The following BICDL1 variants were observed in gnomAD, a reference collection of about 807,000 sequenced individuals.
The protein encoded by BICDL1 is BICD family like cargo adaptor 1.
Under a neutral mutation model 76.8 loss-of-function variants are expected in BICDL1, and 20 were observed. That is an observed-to-expected ratio of 0.26 (90% CI 0.18 to 0.38). BICDL1 has a LOEUF of 0.38. Ranked by LOEUF, BICDL1 falls within the 10% of genes least tolerant of loss-of-function variation. The probability of loss-of-function intolerance (pLI) is 1.00; values close to 1 mark genes in which losing one functional copy is unlikely to be tolerated. For missense variants in BICDL1, 700 were observed against 798.6 expected (o/e 0.88, Z 1.49); for synonymous variants, 383 against 337.1 (o/e 1.14, Z -1.49).
intron 1 of BICDL1, among the ~76,000 whole-genome samples, chr12:119,994,870 C>T (rs1000890114): frequency 3.3e-5 from 5 of 152,200 alleles, no homozygotes; most frequent in Non-Finnish European, 7.3e-5. Flanking sequence ...ACCCTGCACC[C>T]AGCTTCCTCT....
chr12:120,068,381 G>T (rs921770607), intron 4 of BICDL1, among the ~76,000 whole-genome samples: 1 of 152,234 alleles, frequency 6.6e-6, no homozygotes, highest in Non-Finnish European at 1.5e-5. Context: ...CCACAGATAG[G>T]AAGAGTAGGA....
intron 3 of BICDL1, among the ~76,000 whole-genome samples, chr12:120,062,119 C>T (rs1035644068): frequency 5.9e-5 from 9 of 152,172 alleles, no homozygotes; most frequent in African/African-American, 2.2e-4. Context: ...AAGGGCATCT[C>T]GCCTTTCTCT....
chr12:120,015,315 A>G (rs566897231), intron 2 of BICDL1, among the ~76,000 whole-genome samples: 1 of 152,326 alleles, frequency 6.6e-6, no homozygotes, highest in East Asian at 1.9e-4. Context: ...AACAAATAAG[A>G]AAGGGCATGG....
At chr12:119,994,894 T>A (rs544712185) in intron 1 of BICDL1, among the ~76,000 whole-genome samples, 1 of 152,222 alleles carries the variant, frequency 6.6e-6, no homozygotes, top group Non-Finnish European at 1.5e-5. Flanking sequence ...TAACATCTTA[T>A]AATAGTATGG....
Position 120,080,991 on chromosome 12 carries a change from C to G in BICDL1, c.1557C>G (p.Ile519Met), listed in dbSNP as rs748210058. 49 of 1,613,606 alleles carry G rather than the reference C, an allele frequency of 3.0e-5. No individual in the cohort carries two copies. The highest frequency in any genetic ancestry group is 3.8e-5 in the Non-Finnish European group (45 of 1,179,928). ...KEPKEQLQKA[I>M]RDRDEAIAKK... Reference sequence around the variant, plus strand: ...CAAAGGAGCAGCTTCAGAAGGCCATCAGGGACCGCGACGAGGCCATTGCAA... The same window carrying G: ...CAAAGGAGCAGCTTCAGAAGGCCATGAGGGACCGCGACGAGGCCATTGCAA... The change falls in exon 8 of 10, where the codon ATC (isoleucine) becomes ATG (methionine). Residue 519 changes from isoleucine (I) to methionine (M), a missense_variant. Ile to Met is a conservative substitution (Grantham distance 10). This residue lies in a region of BICDL1 where 455 missense variants were observed against 548.7 expected (regional missense o/e 0.83). Coordinates refer to ENST00000548673, the MANE Select transcript of BICDL1 (RefSeq NM_001367886.1).
At chr12:120,054,720 T>C (rs1183547819) in intron 2 of BICDL1, among the ~76,000 whole-genome samples, 1 of 151,612 alleles carries the variant, frequency 6.6e-6, no homozygotes. Context: ...CTACTAAAAA[T>C]GCAAAAAAAA....
chr12:120,042,799 C>T (rs1952669890), intron 2 of BICDL1, among the ~76,000 whole-genome samples: 1 of 141,806 alleles, frequency 7.1e-6, no homozygotes, highest in Admixed American at 7.0e-5. Flanking sequence ...AGCGAGACTC[C>T]CCCTCAAAAA....
Position 120,064,825 on chromosome 12 carries a change from G to C in BICDL1, c.855G>C (p.Glu285Asp). 1 of 1,613,656 alleles carries C rather than the reference G, an allele frequency of 6.2e-7. No individual in the cohort carries two copies. The highest frequency in any genetic ancestry group is 8.5e-7 in the Non-Finnish European group (1 of 1,179,754). ...ENDLLQGTVE[E>D]LQDRVLILER... ...ACCTGCTCCAAGGGACCGTGGAGGAGCTACAGGACCGGGTGCTAATCCTGG... is the reference window on the plus strand; with the variant it reads ...ACCTGCTCCAAGGGACCGTGGAGGACCTACAGGACCGGGTGCTAATCCTGG... Residue 285 changes from glutamate to aspartate, a missense_variant, in exon 4 of 10, where the codon GAG (glutamate) becomes GAC (aspartate). Around this residue, in one of 3 missense-constraint regions of BICDL1, gnomAD observed 455 missense variants for 548.7 expected, o/e 0.83. Transcript: ENST00000548673.
intron 1 of BICDL1, among the ~76,000 whole-genome samples, chr12:119,994,538 G>A (rs923654931): frequency 6.6e-6 from 1 of 151,824 alleles, no homozygotes; most frequent in Admixed American, 6.6e-5. Flanking sequence ...TACCCAGGCT[G>A]GAGTGCAGTG....
intron 2 of BICDL1, among the ~76,000 whole-genome samples, chr12:120,056,394 C>G (rs778595299): frequency 1.8e-4 from 28 of 152,154 alleles, no homozygotes; most frequent in Non-Finnish European, 3.8e-4. Context: ...GATAAGTAAA[C>G]TATAAGACTT....
chr12:120,093,342 C>A lies in BICDL1; in HGVS notation c.*181C>A. The A allele has an allele frequency of 2.8e-6, 2 of 704,116 alleles. No individual in the cohort carries two copies. The highest frequency in any genetic ancestry group is 4.6e-6 in the Non-Finnish European group (2 of 436,922). The allele number at this position is 704,116 out of a possible 1,614,324, so 43.6% of individuals were successfully genotyped here. A position where few individuals can be genotyped will look rare whatever the true frequency, so the allele number is the denominator to read the frequency against. ...GGGGATGGAGACCTAGAGGTGGGGG[C>A]CTGCCTTGGCCACTGAAGGCTTCCC... On this transcript the variant is annotated 3_prime_UTR_variant, in exon 10 of 10. Transcript: ENST00000548673.
chr12:119,996,570 CTGAAAG>C (rs946003795), intron 1 of BICDL1, among the ~76,000 whole-genome samples: 21 of 151,036 alleles, frequency 1.4e-4, no homozygotes, highest in Non-Finnish European at 3.1e-4. Flanking sequence ...ACTGAGTAGT[CTGAAAG>C]AGAAGATTCA....
intron 1 of BICDL1, 48 bp from the exon 2 acceptor site, chr12:119,998,473 G>A: frequency 6.6e-7 from 1 of 1,504,314 alleles, no homozygotes; most frequent in Non-Finnish European, 8.9e-7. Flanking sequence ...AAAAATAAAA[G>A]GCTGTGGAAT....
chr12:120,091,547 A>G, intron 9 of BICDL1: 2 of 985,904 alleles, frequency 2.0e-6, no homozygotes, highest in African/African-American at 1.7e-5. Flanking sequence ...TACCTGGCAC[A>G]GTGCCAGCTC....
intron 2 of BICDL1, among the ~76,000 whole-genome samples, chr12:120,000,740 G>A (rs1349683923): frequency 6.6e-6 from 1 of 152,144 alleles, no homozygotes; most frequent in East Asian, 1.9e-4. Flanking sequence ...CATGGAGCTT[G>A]GAATCTGACT....
In BICDL1 at chr12:120,071,290, C is replaced by T. The variant is rs572830704; in HGVS notation, c.910-332C>T. ...CCAAGTAGCTGGGATTTCAGGTACC[C>T]GCCACCACGCCCAGCTAATTTTTGT... On this transcript the variant is annotated intron_variant, in intron 4 of 9. Transcript: ENST00000548673. The surrounding 1 kb of genome is among the most constrained non-coding windows in gnomAD (Gnocchi z 4.8). Among the ~76,000 whole-genome samples, 15 of 149,934 alleles carry T rather than the reference C, an allele frequency of 1.0e-4. No individual in the cohort carries two copies. Among genetic ancestry groups the T allele is most frequent in the African/African-American group, 3.2e-4 (13 of 40,724 alleles).
intron 9 of BICDL1, chr12:120,091,769 T>G (rs1015854637): frequency 3.0e-6 from 3 of 985,108 alleles, no homozygotes; most frequent in African/African-American, 1.8e-5. Context: ...CCTGCAGAGA[T>G]ATTAGAATGA....
chr12:120,015,008 G>C (rs1324248063), intron 2 of BICDL1, among the ~76,000 whole-genome samples: 1 of 152,064 alleles, frequency 6.6e-6, no homozygotes, highest in Non-Finnish European at 1.5e-5. Flanking sequence ...CAGTGGGAGA[G>C]ACAGACAAAT....
chr12:120,086,579 G>A (rs1302933852), intron 8 of BICDL1, among the ~76,000 whole-genome samples: 3 of 152,122 alleles, frequency 2.0e-5, no homozygotes, highest in South Asian at 4.1e-4. Context: ...CTTCCTTCTC[G>A]TCACTGGGCT....
Sources: allele counts gnomAD v4.1 joint callset (sites outside exome capture counted in the v4.1 genomes callset), GRCh38; gene constraint gnomAD v4.1.1; regional missense constraint gnomAD v4.1.1; non-coding constraint Gnocchi (gnomAD v3.1); transcripts MANE v1.5; gene names NCBI Gene and HGNC (gene_info 2026-07-23, HGNC 2026-07-21).